WDR19: variants seen among roughly 807,000 people sequenced by gnomAD.
WDR19 encodes the protein WD repeat domain 19.
WDR19 carries 121 observed loss-of-function variants against 180.0 expected under a neutral mutation model. That is an observed-to-expected ratio of 0.67 (90% CI 0.58 to 0.78). WDR19 has a LOEUF of 0.78. Ranked by LOEUF, WDR19 falls within the 30% of genes least tolerant of loss-of-function variation. The pLI is 0.00. For synonymous variants in WDR19, 497 were observed against 540.7 expected, an observed-to-expected ratio of 0.92 and a Z score of 1.12; for missense variants, 1,450 against 1,640.7, an observed-to-expected ratio of 0.88 and a Z score of 2.01.
At chr4:39,188,963 C>T (rs1560473638) in intron 3 of WDR19, among the ~76,000 whole-genome samples, 1 of 151,728 alleles carries the variant, frequency 6.6e-6, no homozygotes, top group Admixed American at 6.6e-5. Flanking sequence ...TGCCATGTTG[C>T]TCAGGCTGGA....
intron 20 of WDR19, among the ~76,000 whole-genome samples, chr4:39,240,059 C>T (rs1409496351): frequency 1.3e-5 from 2 of 151,608 alleles, no homozygotes; most frequent in Non-Finnish European, 2.9e-5. Flanking sequence ...TGCCTATAGT[C>T]TCAACTACTC....
chr4:39,234,821 C>A lies in WDR19; in HGVS notation c.2309C>A (p.Ala770Asp). The A allele has an allele frequency of 6.3e-7, 1 of 1,583,524 alleles. No individual in the cohort carries two copies. The highest frequency in any genetic ancestry group is 8.6e-7 in the Non-Finnish European group (1 of 1,163,650). The part of the protein sequence containing the change: ...DSALQLAKHL[A>D]PDQIPFISKE... ...GCTCTACAACTGGCAAAGCATTTGG[C>A]CCCAGACCAGATACCTTTTATATCA... The change falls in exon 20 of 37, where the codon GCC becomes GAC. Residue 770 changes from alanine to aspartate, a missense_variant. Ala to Asp is a moderately radical substitution (Grantham distance 126). Transcript: ENST00000399820.
chr4:39,227,836 C>G (rs1730432358), intron 15 of WDR19, among the ~76,000 whole-genome samples: 4 of 152,174 alleles, frequency 2.6e-5, no homozygotes. Flanking sequence ...CCACTATTAT[C>G]AAATACTCAG....
chr4:39,247,442 G>A (rs757097214), intron 24 of WDR19, among the ~76,000 whole-genome samples: 2 of 152,190 alleles, frequency 1.3e-5, no homozygotes, highest in Admixed American at 6.6e-5. Flanking sequence ...CTAAAAATCA[G>A]AGCGCCTCTC....
intron 9 of WDR19, among the ~76,000 whole-genome samples, chr4:39,211,983 GAGAT>G (rs1241014613): frequency 1.4e-5 from 2 of 144,490 alleles, no homozygotes; most frequent in African/African-American, 5.2e-5. Context: ...GAGAGAGAGA[GAGAT>G]AGATAGATGT....
intron 33 of WDR19, among the ~76,000 whole-genome samples, chr4:39,276,081 T>G (rs1363026145): frequency 6.6e-6 from 1 of 152,234 alleles, no homozygotes; most frequent in African/African-American, 2.4e-5. Flanking sequence ...GTGGGGTTCC[T>G]GTTCATTACA....
intron 36 of WDR19, among the ~76,000 whole-genome samples, chr4:39,284,626 A>C (rs1199871887): frequency 1.4e-5 from 2 of 138,684 alleles, no homozygotes; most frequent in Non-Finnish European, 3.1e-5. Flanking sequence ...ACAGCTGTGA[A>C]CCACCATTCC....
chr4:39,218,264 G>A, intron 14 of WDR19, 159 bp downstream of exon 14: 1 of 923,740 alleles, frequency 1.1e-6, no homozygotes, highest in Admixed American at 2.6e-5. Flanking sequence ...GTGTCTCTTT[G>A]CAGTGGGGAT....
chr4:39,250,879 C>T (rs570603688), intron 24 of WDR19, among the ~76,000 whole-genome samples: 59 of 152,332 alleles, frequency 3.9e-4, no homozygotes, highest in Non-Finnish European at 6.5e-4. Flanking sequence ...AATGAAAGAA[C>T]ATTCCATGCT....
intron 9 of WDR19, among the ~76,000 whole-genome samples, chr4:39,210,789 A>G (rs142463376): frequency 3.8e-4 from 58 of 152,330 alleles, no homozygotes; most frequent in African/African-American, 1.4e-3. Context: ...GCACACCTTC[A>G]TGATAAAAAC....
At position 39,224,917 on chromosome 4, in the gene WDR19, TG is replaced by T. The variant is rs1022219006; in HGVS notation, c.1515del (p.Trp505CysfsTer13). 1.3e-6 allele frequency: 2 copies of T among 1,570,674 alleles called. No individual in the cohort carries two copies. The highest frequency in any genetic ancestry group is 8.6e-7 in the Non-Finnish European group (1 of 1,156,848). On this transcript the variant is annotated frameshift_variant, in exon 15 of 37. Transcript: ENST00000399820. LOFTEE classifies it high-confidence loss of function. ...CGTTCAGTATTTCTACATTGAAGAC[TG>T]GCAATTCGTTAATGATTATCGACAT... ...GVVQYFYIED[W>X]QFVNDYRHPV... is the part of the protein sequence containing the mutation.
intron 12 of WDR19, 26 bp from the exon 13 acceptor site, chr4:39,217,108 G>A (rs1408597550): frequency 2.0e-6 from 3 of 1,497,708 alleles, no homozygotes; most frequent in Non-Finnish European, 2.8e-6. Flanking sequence ...ACATTTTAAT[G>A]TGTTGGTTTT....
intron 28 of WDR19, 146 bp downstream of exon 28, chr4:39,257,700 T>A: frequency 1.4e-6 from 1 of 691,928 alleles, no homozygotes; most frequent in Non-Finnish European, 2.4e-6. Context: ...TGTCAATACA[T>A]AGACAGCCTC....
chr4:39,186,692 G>T, intron 3 of WDR19, 88 bp downstream of exon 3: 7 of 880,978 alleles, frequency 7.9e-6, no homozygotes, highest in South Asian at 4.1e-5. Flanking sequence ...ATAATCAGAT[G>T]GAATCTTTTG....
intron 24 of WDR19, among the ~76,000 whole-genome samples, chr4:39,251,414 GA>G: frequency 6.6e-6 from 1 of 152,020 alleles, no homozygotes; most frequent in Admixed American, 6.6e-5. Flanking sequence ...AACCCTAGAA[GA>G]AAACCTAGGC....
At chr4:39,239,123 G>A (rs1241697582) in intron 20 of WDR19, among the ~76,000 whole-genome samples, 5 of 151,962 alleles carry the variant, frequency 3.3e-5, no homozygotes, top group South Asian at 4.2e-4. Flanking sequence ...GATTACAGGC[G>A]CATGCCACCA....
chr4:39,270,150 C>G, intron 31 of WDR19, 50 bp downstream of exon 31: 2 of 1,603,092 alleles, frequency 1.2e-6, no homozygotes, highest in Non-Finnish European at 1.7e-6. Flanking sequence ...TGTTTGTCCC[C>G]CATTGAGATT....
At chr4:39,282,544 C>A (rs1168604378) in intron 36 of WDR19, among the ~76,000 whole-genome samples, 1 of 152,010 alleles carries the variant, frequency 6.6e-6, no homozygotes. Context: ...ATTACAGGCG[C>A]CCGCCACCAC....
chr4:39,217,235 C>T lies in WDR19; in HGVS notation c.1351C>T (p.His451Tyr). The change falls in exon 13 of 37, where the codon CAT (histidine) becomes TAT (tyrosine). Residue 451 changes from histidine (H) to tyrosine (Y), a missense_variant. His to Tyr is a moderately conservative substitution (Grantham distance 83). Transcript: ENST00000399820. The stretch of plus-strand genomic sequence containing the variant: ...ACTTTTTGAAGGCAAAGTCCAGTTA[C>T]ATTTGGTAAGTATAATTTTGATGTC... ...AALFEGKVQL[H>Y]LIESEILDAQ... 6.3e-7 allele frequency: 1 copy of T among 1,592,078 alleles called. No individual in the cohort carries two copies. The highest frequency in any genetic ancestry group is 1.3e-5 in the African/African-American group (1 of 74,756).
Sources: allele counts gnomAD v4.1 joint callset (sites outside exome capture counted in the v4.1 genomes callset), GRCh38; gene constraint gnomAD v4.1.1; transcripts MANE v1.5; gene names NCBI Gene and HGNC (gene_info 2026-07-23, HGNC 2026-07-21).